GPR37: variants seen among roughly 807,000 people sequenced by gnomAD.
The protein encoded by GPR37 is G protein-coupled receptor 37.
A neutral mutation model predicts 43.6 loss-of-function variants in GPR37; 20 were observed. The ratio of observed to expected loss-of-function variants is 0.46; its 90% CI spans 0.32 to 0.67. The LOEUF is 0.67. GPR37 is among the 30% of genes least tolerant of loss of function. The pLI is 0.03. For missense variants in GPR37, 724 were observed against 797.2 expected (o/e 0.91, Z 1.11); for synonymous variants, 315 against 322.6 (o/e 0.98, Z 0.25).
intron 1 of GPR37, among the ~76,000 whole-genome samples, chr7:124,755,426 C>T (rs553583892): frequency 1.3e-5 from 2 of 152,116 alleles, no homozygotes; most frequent in Admixed American, 6.5e-5. Context: ...TTTTAAAAGC[C>T]GTTTAAGACT....
chr7:124,753,548 GA>G (rs901990981), intron 1 of GPR37, among the ~76,000 whole-genome samples: 36 of 147,674 alleles, frequency 2.4e-4, no homozygotes, highest in Middle Eastern at 3.4e-3. Flanking sequence ...CCACAAAGTG[GA>G]AAAAAAAAAC....
In GPR37 at chr7:124,746,568, C is replaced by T. The variant is rs370673060; in HGVS notation, c.1799G>A (p.Arg600His). 44 of 1,612,474 alleles carry T rather than the reference C, an allele frequency of 2.7e-5. No individual in the cohort carries two copies. The Admixed American group carries it at 3.0e-4, about 11-fold the overall frequency. The change falls in exon 2 of 2, where the codon CGC (arginine) becomes CAC (histidine). Residue 600 changes from arginine (R) to histidine (H), a missense_variant. Physicochemically the swap from Arg to His is conservative, Grantham distance 29 (BLOSUM62 0). This residue lies in a region of GPR37 where 342 missense variants were observed against 441.8 expected (regional missense o/e 0.77). Coordinates refer to ENST00000303921, the MANE Select transcript of GPR37 (RefSeq NM_005302.5). ...AGAAGCAAAAGTGGACATTTCACGG[C>T]GTATGGTACTGAAAGGCGAGAGTTC... ...ELELSPFSTIRREMSTFASVG... is the reference protein window; with the variant it reads ...ELELSPFSTIHREMSTFASVG...
At position 124,764,594 on chromosome 7, in the gene GPR37, T is replaced by C; in HGVS notation, c.383A>G (p.Gln128Arg). Residue 128 changes from glutamine (Q) to arginine (R), a missense_variant, in exon 1 of 2, where the codon CAG becomes CGG. Around this residue, in one of 2 missense-constraint regions of GPR37, gnomAD observed 382 missense variants for 355.4 expected, o/e 1.07. Coordinates refer to ENST00000303921, the MANE Select transcript of GPR37 (RefSeq NM_005302.5). The surrounding 1 kb of genome is among the most constrained non-coding windows in gnomAD (Gnocchi z 5.4). ...GPWRWKGARG[Q>R]EPSETLGRGN... ...TCTCCCCAAAGTTTCAGAAGGCTCC[T>C]GACCCCGAGCACCTTTCCACCTCCA... The C allele has an allele frequency of 1.2e-6, 2 of 1,608,106 alleles. No homozygotes were observed. The highest frequency in any genetic ancestry group is 8.5e-7 in the Non-Finnish European group (1 of 1,177,016).
rs375543477 is a variant in GPR37, at chr7:124,764,099, C to T, written c.878G>A (p.Arg293Gln). 1.2e-6 allele frequency: 2 copies of T among 1,613,752 alleles called. No homozygotes were observed. The highest frequency in any genetic ancestry group is 1.7e-6 in the Non-Finnish European group (2 of 1,179,922). ...GGCCAAGAGGGAGTTGGAGATGCTC[C>T]GCATGTAGTAGTTGTGGCACACGAT... Reference protein sequence around the residue: ...MCIVCHNYYMRSISNSLLANL... With the variant: ...MCIVCHNYYMQSISNSLLANL... The change falls in exon 1 of 2, where the codon CGG becomes CAG. Residue 293 changes from arginine (R) to glutamine (Q), a missense_variant. Around this residue, in one of 2 missense-constraint regions of GPR37, gnomAD observed 342 missense variants for 441.8 expected, o/e 0.77. Transcript: ENST00000303921. This position sits in a 1 kb window ranked among gnomAD's most constrained non-coding sequence, Gnocchi z 5.4.
chr7:124,762,826 T>C (rs1368686030), intron 1 of GPR37, among the ~76,000 whole-genome samples: 1 of 152,216 alleles, frequency 6.6e-6, no homozygotes. Context: ...TGGAACAATG[T>C]TGAACATAGT....
intron 1 of GPR37, among the ~76,000 whole-genome samples, chr7:124,749,705 T>C (rs1468275400): frequency 2.0e-5 from 3 of 151,838 alleles, no homozygotes; most frequent in Non-Finnish European, 4.4e-5. Flanking sequence ...TCATAACTAG[T>C]AGTGGAGACA....
chr7:124,757,087 T>C (rs974194113), intron 1 of GPR37, among the ~76,000 whole-genome samples: 5 of 152,138 alleles, frequency 3.3e-5, no homozygotes, highest in Non-Finnish European at 7.3e-5. Context: ...ATTAATCCAA[T>C]TCTTGAGAAA....
intron 1 of GPR37, among the ~76,000 whole-genome samples, chr7:124,750,256 A>G (rs1032779840): frequency 6.6e-6 from 1 of 152,166 alleles, no homozygotes; most frequent in African/African-American, 2.4e-5. Context: ...AAAACAAAAC[A>G]AAACTTCTTA....
intron 1 of GPR37, among the ~76,000 whole-genome samples, chr7:124,763,177 T>C (rs1401664409): frequency 6.6e-6 from 1 of 152,226 alleles, no homozygotes; most frequent in Non-Finnish European, 1.5e-5. Flanking sequence ...GGTCAATCCC[T>C]TAAAATAGCC....
chr7:124,749,581 G>T (rs562771240), intron 1 of GPR37, among the ~76,000 whole-genome samples: 1 of 151,998 alleles, frequency 6.6e-6, no homozygotes, highest in African/African-American at 2.4e-5. Flanking sequence ...ACTTGCCTTG[G>T]GGATTCTGAC....
Position 124,764,879 on chromosome 7 carries a change from G to A in GPR37, c.98C>T (p.Ala33Val). 1.2e-6 allele frequency: 2 copies of A among 1,609,718 alleles called. No individual in the cohort carries two copies. Among genetic ancestry groups the A allele is most frequent in the Non-Finnish European group, 1.7e-6 (2 of 1,178,120 alleles). The change falls in exon 1 of 2, where the codon GCG (alanine) becomes GTG (valine). Residue 33 changes from alanine (A) to valine (V), a missense_variant. Ala to Val is a moderately conservative substitution (Grantham distance 64, BLOSUM62 0). Transcript: ENST00000303921. This position sits in a 1 kb window ranked among gnomAD's most constrained non-coding sequence, Gnocchi z 5.4. The part of the protein sequence containing the change: ...SASSALGVAP[A>V]SRNETCLGES... ...CCCCAGACAAGTTTCGTTTCTGGACGCAGGGGCGACCCCGAGGGCAGAAGA... is the reference window on the plus strand; with the variant it reads ...CCCCAGACAAGTTTCGTTTCTGGACACAGGGGCGACCCCGAGGGCAGAAGA...
At position 124,747,285 on chromosome 7, in the gene GPR37, C is replaced by T. The variant is rs780171990; in HGVS notation, c.1082G>A (p.Arg361His). The change falls in exon 2 of 2, where the codon CGT (arginine) becomes CAT (histidine). Residue 361 changes from arginine to histidine, a missense_variant. This residue lies in a region of GPR37 where 342 missense variants were observed against 441.8 expected (regional missense o/e 0.77). Transcript: ENST00000303921. ...TLCALCIDRF[R>H]AATNVQMYYE... is the part of the protein sequence containing the mutation. The stretch of plus-strand genomic sequence containing the variant: ...GTACATCTGTACGTTGGTGGCAGCA[C>T]GGAAGCGGTCTATGCACAGAGCACA... 8.2e-5 allele frequency: 133 copies of T among 1,613,578 alleles called. No homozygotes were observed. The highest frequency in any genetic ancestry group is 1.1e-4 in the Non-Finnish European group (126 of 1,179,818).
intron 1 of GPR37, among the ~76,000 whole-genome samples, chr7:124,761,625 G>T (rs1793852418): frequency 6.6e-6 from 1 of 151,976 alleles, no homozygotes; most frequent in Non-Finnish European, 1.5e-5. Flanking sequence ...TACATCTCAG[G>T]GCCTGTTTTT....
Position 124,746,422 on chromosome 7 carries a change from G to T in GPR37, c.*103C>A. On this transcript the variant is annotated 3_prime_UTR_variant, in exon 2 of 2. Coordinates refer to ENST00000303921, the MANE Select transcript of GPR37 (RefSeq NM_005302.5). Reference sequence around the variant, plus strand: ...AGTAGTTAATATTTCTTTCTTTATTGTTTCTTTTTTGCATTTTTCCCTATA... The same window carrying T: ...AGTAGTTAATATTTCTTTCTTTATTTTTTCTTTTTTGCATTTTTCCCTATA... 4 of 815,160 alleles carry T rather than the reference G, an allele frequency of 4.9e-6. No individual in the cohort carries two copies. The highest frequency in any genetic ancestry group is 2.1e-5 in the South Asian group (1 of 48,144). 50.5% of individuals were successfully genotyped at this position (815,160 alleles called of 1,614,324 possible). A position where few individuals can be genotyped will look rare whatever the true frequency, so the allele number is the denominator to read the frequency against.
intron 1 of GPR37, 22 bp from the exon 2 acceptor site, chr7:124,747,365 A>AG (rs746100312): frequency 6.7e-7 from 1 of 1,502,860 alleles, no homozygotes; most frequent in Non-Finnish European, 9.1e-7. Context: ...CATAGAAGAC[A>AG]TTTATTCCCG....
chr7:124,759,569 G>A lies in GPR37; in HGVS notation c.1023+4385C>T, dbSNP rs139857865. 1.5e-3 allele frequency among the ~76,000 whole-genome samples: 231 copies of A among 152,216 alleles called. 1 individual carries two copies. The highest frequency in any genetic ancestry group is 5.4e-3 in the African/African-American group (223 of 41,528). On this transcript the variant is annotated intron_variant, in intron 1 of 1. Transcript: ENST00000303921. Reference sequence around the variant, plus strand: ...GCTAAGTAATAAACCACTTTAAACTGATGTGTCTAGGAGGACGGCCATGAT... The same window carrying A: ...GCTAAGTAATAAACCACTTTAAACTAATGTGTCTAGGAGGACGGCCATGAT...
chr7:124,752,081 TTTTC>T (rs1562958706), intron 1 of GPR37, among the ~76,000 whole-genome samples: 1 of 152,184 alleles, frequency 6.6e-6, no homozygotes, highest in Non-Finnish European at 1.5e-5. Context: ...AATGTTCTGC[TTTTC>T]TTTGTGTCCC....
Position 124,764,276 on chromosome 7 carries a change from C to A in GPR37, c.701G>T (p.Gly234Val). ...SLGEGIHEPG[G>V]PRRGNSTNRR... ...GTTCGTGCTGTTTCCCCGGCGGGGA[C>A]CCCCAGGCTCATGGATTCCTTCACC... is the stretch of plus-strand genomic sequence containing the variant. The change falls in exon 1 of 2, where the codon GGT (glycine) becomes GTT (valine). Residue 234 changes from glycine to valine, a missense_variant. Gly to Val is a moderately radical substitution (Grantham distance 109). Transcript: ENST00000303921. The surrounding 1 kb of genome is among the most constrained non-coding windows in gnomAD (Gnocchi z 5.4). 1.3e-6 allele frequency: 2 copies of A among 1,599,926 alleles called. No individual in the cohort carries two copies. Among genetic ancestry groups the A allele is most frequent in the Non-Finnish European group, 1.7e-6 (2 of 1,173,332 alleles).
intron 1 of GPR37, among the ~76,000 whole-genome samples, chr7:124,761,408 T>G (rs1449459746): frequency 6.6e-6 from 1 of 152,126 alleles, no homozygotes; most frequent in East Asian, 1.9e-4. Flanking sequence ...CATAAAGAGA[T>G]GTAAAGGCTG....
Sources: gnomAD v4.1 joint callset for allele counts (sites outside exome capture counted in the v4.1 genomes callset) on GRCh38, gnomAD v4.1.1 for gene constraint, gnomAD v4.1.1 regional missense constraint, Gnocchi (gnomAD v3.1) non-coding constraint, MANE v1.5 for transcripts, NCBI Gene and HGNC (gene_info 2026-07-23, HGNC 2026-07-21) for gene names.